Variants in NELL1 observed in about 807,000 individuals in gnomAD.
The protein encoded by NELL1 is neural EGFL like 1.
Under a neutral mutation model 107.4 loss-of-function variants are expected in NELL1, and 76 were observed. That is an observed-to-expected ratio of 0.71 (90% CI 0.59 to 0.86). The LOEUF (loss-of-function observed/expected upper bound fraction) is 0.86, where lower values mean the gene tolerates loss of function less well. Among genes scored for constraint, NELL1 ranks in the 40% least tolerant of loss-of-function variants. NELL1 has a pLI of 0.00. For missense variants in NELL1, 1,024 were observed against 1,005.5 expected, an observed-to-expected ratio of 1.02 and a Z score of -0.25; for synonymous variants, 353 against 341.2, an observed-to-expected ratio of 1.03 and a Z score of -0.38.
intron 11 of NELL1, among the ~76,000 whole-genome samples, chr11:20,954,893 G>A (rs972905630): frequency 6.6e-6 from 1 of 152,156 alleles, no homozygotes; most frequent in Non-Finnish European, 1.5e-5. Flanking sequence ...TGTTTGAAGG[G>A]CTTTGTTCCA....
chr11:21,166,455 C>T (rs532743021), intron 13 of NELL1, among the ~76,000 whole-genome samples: 4 of 151,712 alleles, frequency 2.6e-5, no homozygotes, highest in African/African-American at 7.3e-5. Flanking sequence ...ACTAAAACAG[C>T]GTAATTGGAT....
At chr11:21,522,819 C>CTATT (rs1554928439) in intron 15 of NELL1, among the ~76,000 whole-genome samples, 1 of 141,734 alleles carries the variant, frequency 7.1e-6, no homozygotes, top group Non-Finnish European at 1.6e-5. Context: ...ATCTTGAATC[C>CTATT]TATTTTTTTC....
rs66507806 is a variant in NELL1, at chr11:21,115,331, A to AACACACACAC, written c.1426+1652_1426+1661dup. ...GGCTCTGCAGGAAAAGTCTACATCA[A>AACACACACAC]ACACACACACACACACACACACACA... On this transcript the variant is annotated intron_variant, in intron 13 of 19. Transcript: ENST00000357134. Among the ~76,000 whole-genome samples, 1,370 of 140,684 alleles carry AACACACACAC rather than the reference A, an allele frequency of 9.7e-3. 16 individuals carry two copies. The highest frequency in any genetic ancestry group is 0.028 in the South Asian group (113 of 4,048). The allele number at this position is 140,684 out of a possible 152,430, so 92.3% of individuals were successfully genotyped here.
chr11:21,166,346 A>G (rs1270255344), intron 13 of NELL1, among the ~76,000 whole-genome samples: 9 of 151,916 alleles, frequency 5.9e-5, no homozygotes, highest in Non-Finnish European at 1.3e-4. Context: ...GAGTGACTAC[A>G]GTAAAAAATA....
chr11:21,354,789 C>T lies in NELL1; in HGVS notation c.1550-16064C>T, dbSNP rs142632925. 6.0e-4 allele frequency among the ~76,000 whole-genome samples: 91 copies of T among 152,268 alleles called. 1 individual carries two copies. In the East Asian group the frequency reaches 0.016, roughly 27 times the overall value. The stretch of plus-strand genomic sequence containing the variant: ...TTCTTTCAAGATTTAACATGTAATT[C>T]CATGCAGTTATATAAAGTTGCAGAA... On this transcript the variant is annotated intron_variant, in intron 14 of 19. Coordinates refer to ENST00000357134, the MANE Select transcript of NELL1 (RefSeq NM_006157.5).
intron 13 of NELL1, among the ~76,000 whole-genome samples, chr11:21,163,280 T>A (rs1856412292): frequency 6.6e-6 from 1 of 152,172 alleles, no homozygotes; most frequent in South Asian, 2.1e-4. Context: ...ATCTCATCCT[T>A]CAGAATTTAG....
chr11:21,424,939 A>T (rs1199754298), intron 15 of NELL1, among the ~76,000 whole-genome samples: 1 of 152,172 alleles, frequency 6.6e-6, no homozygotes, highest in Non-Finnish European at 1.5e-5. Context: ...TTGTTCTATG[A>T]GGCCAGGAGT....
intron 13 of NELL1, among the ~76,000 whole-genome samples, chr11:21,121,947 G>A (rs1471329096): frequency 1.3e-5 from 2 of 152,096 alleles, no homozygotes; most frequent in Admixed American, 1.3e-4. Context: ...AATAATGTTA[G>A]GGTTTATTAA....
intron 13 of NELL1, among the ~76,000 whole-genome samples, chr11:21,144,259 G>C (rs929857365): frequency 6.6e-6 from 1 of 152,136 alleles, no homozygotes; most frequent in African/African-American, 2.4e-5. Flanking sequence ...TGATGCTATG[G>C]AACACCTTAG....
intron 14 of NELL1, among the ~76,000 whole-genome samples, chr11:21,309,280 G>GTATATATATATATATATATGTA (rs1849684508): frequency 1.8e-5 from 2 of 108,620 alleles, no homozygotes; most frequent in East Asian, 5.1e-4. Flanking sequence ...ATATATATAT[G>GTATATATATATATATATATGTA]TATATATATA....
chr11:21,518,947 A>G (rs993757032), intron 15 of NELL1, among the ~76,000 whole-genome samples: 8 of 152,180 alleles, frequency 5.3e-5, no homozygotes, highest in Non-Finnish European at 8.8e-5. Flanking sequence ...ATTCTCTCTC[A>G]TGACATGAAT....
Position 21,458,770 on chromosome 11 carries a change from G to A in NELL1, c.1646-75604G>A, listed in dbSNP as rs528322588. Among the ~76,000 whole-genome samples the A allele has an allele frequency of 3.0e-4, 45 of 152,246 alleles. 1 individual carries two copies. Among genetic ancestry groups the A allele is most frequent in the African/African-American group, 1.0e-3 (43 of 41,560 alleles). On this transcript the variant is annotated intron_variant, in intron 15 of 19. Transcript: ENST00000357134. ...GATAACTACAGTGATCGAAGGGTTA[G>A]TTTTAGGTGCAGTATCATCTCTACC...
chr11:21,038,041 A>T (rs2134327038), intron 12 of NELL1, among the ~76,000 whole-genome samples: 1 of 152,296 alleles, frequency 6.6e-6, no homozygotes, highest in East Asian at 1.9e-4. Context: ...ATTCAGGAAA[A>T]AAATAGATGA....
chr11:20,925,489 T>A (rs1486114506), intron 7 of NELL1, among the ~76,000 whole-genome samples: 1 of 148,940 alleles, frequency 6.7e-6, no homozygotes, highest in Non-Finnish European at 1.5e-5. Flanking sequence ...TTTCGCCATG[T>A]TGGCTGGGTT....
At chr11:21,510,126 G>A (rs897090301) in intron 15 of NELL1, among the ~76,000 whole-genome samples, 1 of 152,182 alleles carries the variant, frequency 6.6e-6, no homozygotes, top group Non-Finnish European at 1.5e-5. Flanking sequence ...AGGGTAGGCG[G>A]GGAGGACTTT....
intron 13 of NELL1, among the ~76,000 whole-genome samples, chr11:21,121,788 GA>G (rs1447805974): frequency 6.6e-6 from 1 of 151,938 alleles, no homozygotes; most frequent in Admixed American, 6.6e-5. Flanking sequence ...GAACGAAACA[GA>G]AAAAAATTAA....
chr11:21,138,022 T>G (rs1161278311), intron 13 of NELL1, among the ~76,000 whole-genome samples: 1 of 152,190 alleles, frequency 6.6e-6, no homozygotes. Flanking sequence ...TATTGCTCTC[T>G]CACATTCTCA....
intron 9 of NELL1, among the ~76,000 whole-genome samples, chr11:20,931,158 G>A (rs1235827303): frequency 3.3e-5 from 5 of 151,884 alleles, no homozygotes; most frequent in African/African-American, 4.8e-5. Context: ...ACAGTGTCTG[G>A]AACTGTAAGT....
intron 12 of NELL1, among the ~76,000 whole-genome samples, chr11:21,053,980 T>C (rs116776659): frequency 2.2e-3 from 336 of 152,284 alleles, no homozygotes; most frequent in African/African-American, 7.8e-3. Context: ...ATTTTGTAGG[T>C]TCTTCCTACG....
Sources: gnomAD v4.1 joint callset for allele counts (sites outside exome capture counted in the v4.1 genomes callset) on GRCh38, gnomAD v4.1.1 for gene constraint, MANE v1.5 for transcripts, NCBI Gene and HGNC (gene_info 2026-07-23, HGNC 2026-07-21) for gene names.